SF3B3: variants seen among roughly 807,000 people sequenced by gnomAD.
SF3B3 encodes SAP 130.
A neutral mutation model predicts 139.2 loss-of-function variants in SF3B3; 33 were observed. The ratio of observed to expected loss-of-function variants is 0.24; its 90% CI spans 0.18 to 0.32. SF3B3 has a LOEUF of 0.32. Ranked by LOEUF, SF3B3 falls within the 10% of genes least tolerant of loss-of-function variation. SF3B3 has a pLI of 1.00. For missense variants in SF3B3, 818 were observed against 1,509.4 expected, an observed-to-expected ratio of 0.54 and a Z score of 7.59; for synonymous variants, 596 against 563.6, an observed-to-expected ratio of 1.06 and a Z score of -0.81.
intron 11 of SF3B3, among the ~76,000 whole-genome samples, chr16:70,551,591 A>G (rs915740587): frequency 6.6e-6 from 1 of 152,182 alleles, no homozygotes; most frequent in African/African-American, 2.4e-5. Flanking sequence ...AATCCTAGCT[A>G]CTAGAGAGGC....
At chr16:70,560,636 G>C in intron 16 of SF3B3, 45 bp downstream of exon 16, 1 of 1,603,134 alleles carries the variant, frequency 6.2e-7, no homozygotes, top group South Asian at 1.1e-5. Flanking sequence ...TGGGATTTTA[G>C]TGGCACCATC....
chr16:70,544,826 T>C lies in SF3B3; in HGVS notation c.1329+293T>C, dbSNP rs1310194362. ...CTGCCTCAGCCTCCCAAAGTGTTGC[T>C]TACAGGTGTAAGCCACTGTGCCCAG... is the stretch of plus-strand genomic sequence containing the variant. On this transcript the variant is annotated intron_variant, in intron 10 of 25. Coordinates refer to ENST00000302516, the MANE Select transcript of SF3B3 (RefSeq NM_012426.5). Among the ~76,000 whole-genome samples, 2 of 151,854 alleles carry C rather than the reference T, an allele frequency of 1.3e-5. 1 individual carries two copies. Among genetic ancestry groups the C allele is most frequent in the Non-Finnish European group, 2.9e-5 (2 of 67,946 alleles).
chr16:70,568,710 A>G (rs2050500466), intron 22 of SF3B3, among the ~76,000 whole-genome samples: 1 of 152,092 alleles, frequency 6.6e-6, no homozygotes, highest in South Asian at 2.1e-4. Flanking sequence ...TCCCTATTGA[A>G]CGTGATTTAA....
chr16:70,557,008 A>G lies in SF3B3; in HGVS notation c.1989A>G (p.Leu663=), dbSNP rs376825228. 5.0e-6 allele frequency: 8 copies of G among 1,611,954 alleles called. No individual in the cohort carries two copies. The highest frequency in any genetic ancestry group is 6.8e-6 in the Non-Finnish European group (8 of 1,179,304). The change falls in exon 15 of 26, where the codon CTA becomes CTG. Residue 663 remains leucine, a synonymous_variant. Coordinates refer to ENST00000302516, the MANE Select transcript of SF3B3 (RefSeq NM_012426.5). ...GTGAGAGGGGCTCGATTGGCTTCCTATACCTGAATATTGGGCTACAGGTAA... is the reference window on the plus strand; with the variant it reads ...GTGAGAGGGGCTCGATTGGCTTCCTGTACCTGAATATTGGGCTACAGGTAA... The part of the protein sequence containing the change: ...ELGERGSIGF[L]YLNIGLQNGV...
chr16:70,572,234 GTA>G lies in SF3B3; in HGVS notation c.*423_*424del. Reference sequence around the variant, plus strand: ...CTGTGGTGGGACTGGGTAGGGTATAGTATCACTCCTGAGTTCCACTGCTCTAG... The same window carrying G: ...CTGTGGTGGGACTGGGTAGGGTATAGTCACTCCTGAGTTCCACTGCTCTAG... On this transcript the variant is annotated 3_prime_UTR_variant, in exon 26 of 26. Coordinates refer to ENST00000302516, the MANE Select transcript of SF3B3 (RefSeq NM_012426.5). 2.4e-6 allele frequency: 1 copy of G among 415,820 alleles called. No homozygotes were observed. Among genetic ancestry groups the G allele is most frequent in the Non-Finnish European group, 4.8e-6 (1 of 209,636 alleles). The allele number at this position is 415,820 out of a possible 1,614,324, so 25.8% of individuals were successfully genotyped here.
In SF3B3 at chr16:70,527,647, G is replaced by A. The variant is rs181710015; in HGVS notation, c.70+921G>A. ...TTTGATTAAGGAAATACGTATATGG[G>A]AATTTGGAGATTTGTGACTGACTTC... On this transcript the variant is annotated intron_variant, in intron 2 of 25. Coordinates refer to ENST00000302516, the MANE Select transcript of SF3B3 (RefSeq NM_012426.5). 1.5e-3 allele frequency among the ~76,000 whole-genome samples: 223 copies of A among 152,324 alleles called. 1 individual carries two copies. The highest frequency in any genetic ancestry group is 2.5e-3 in the Non-Finnish European group (172 of 68,020).
chr16:70,564,597 G>C (rs960090770), intron 18 of SF3B3, among the ~76,000 whole-genome samples: 3 of 152,000 alleles, frequency 2.0e-5, no homozygotes, highest in African/African-American at 7.3e-5. Context: ...CCTTTATTTG[G>C]GCCCAAAAGA....
intron 15 of SF3B3, 117 bp from the exon 16 acceptor site, chr16:70,560,352 C>A: frequency 9.4e-7 from 1 of 1,060,550 alleles, no homozygotes; most frequent in Non-Finnish European, 1.3e-6. Context: ...TTTAAACACC[C>A]AAGTCATTTC....
intron 3 of SF3B3, 195 bp downstream of exon 3, chr16:70,529,394 CCTTT>C (rs1458957747): frequency 1.8e-6 from 1 of 568,130 alleles, no homozygotes; most frequent in South Asian, 2.4e-5. Context: ...TCTTAACACA[CCTTT>C]CTACTTCCCA....
At chr16:70,538,510 G>A in intron 7 of SF3B3, 50 bp downstream of exon 7, 5 of 1,473,500 alleles carry the variant, frequency 3.4e-6, no homozygotes, top group Non-Finnish European at 4.7e-6. Context: ...AGATGAGATA[G>A]GCAAGACAGG....
At chr16:70,561,562 G>T (rs2151791902) in intron 16 of SF3B3, 68 bp from the exon 17 acceptor site, 1 of 1,407,202 alleles carries the variant, frequency 7.1e-7, no homozygotes, top group Non-Finnish European at 9.8e-7. Context: ...AGGGCTTTTG[G>T]TCAGCTTATA....
At chr16:70,538,579 A>G (rs2050189728) in intron 7 of SF3B3, 119 bp downstream of exon 7, 1 of 804,822 alleles carries the variant, frequency 1.2e-6, no homozygotes, top group South Asian at 1.9e-5. Context: ...TGGAACCGGT[A>G]TATGAGTATA....
chr16:70,537,106 G>A (rs2050176238), intron 6 of SF3B3, among the ~76,000 whole-genome samples: 1 of 152,142 alleles, frequency 6.6e-6, no homozygotes, highest in African/African-American at 2.4e-5. Context: ...ACTGCGCCTG[G>A]CCAGCTAATT....
intron 20 of SF3B3, among the ~76,000 whole-genome samples, chr16:70,567,082 G>C (rs545426012): frequency 2.6e-5 from 4 of 151,012 alleles, no homozygotes; most frequent in Admixed American, 6.6e-5. Flanking sequence ...CTTTTCACTA[G>C]CATTTCTTTC....
intron 11 of SF3B3, chr16:70,550,671 C>T: frequency 3.0e-6 from 3 of 985,432 alleles, no homozygotes; most frequent in Non-Finnish European, 3.6e-6. Context: ...AGGTGCTGAT[C>T]ACCACAGGTG....
intron 21 of SF3B3, among the ~76,000 whole-genome samples, chr16:70,567,981 G>A (rs764331470): frequency 3.3e-5 from 5 of 152,104 alleles, no homozygotes; most frequent in East Asian, 1.9e-4. Context: ...CCACCGCACC[G>A]GCCCTTGAGT....
At chr16:70,542,501 C>T (rs776930295) in intron 9 of SF3B3, among the ~76,000 whole-genome samples, 1 of 152,124 alleles carries the variant, frequency 6.6e-6, no homozygotes, top group Non-Finnish European at 1.5e-5. Context: ...GCTGCATCCT[C>T]AATTGTCAGG....
Position 70,535,433 on chromosome 16 carries a change from A to G in SF3B3, c.825+13A>G, listed in dbSNP as rs1414617525. The G allele has an allele frequency of 2.1e-6, 3 of 1,411,504 alleles. No homozygotes were observed. The highest frequency in any genetic ancestry group is 4.6e-5 in the East Asian group (2 of 43,616). 87.4% of individuals were successfully genotyped at this position (1,411,504 alleles called of 1,614,324 possible). A position where few individuals can be genotyped will look rare whatever the true frequency, so the allele number is the denominator to read the frequency against. On this transcript the variant is annotated intron_variant, in intron 6 of 25. Transcript: ENST00000302516. ...TCCCAGGAGGCGGGTAAGATCTTTG[A>G]TATAAGAAGAGAGAGATTTGTGTTT...
intron 20 of SF3B3, 152 bp downstream of exon 20, chr16:70,565,676 C>T: frequency 1.5e-6 from 1 of 678,208 alleles, no homozygotes; most frequent in East Asian, 2.7e-5. Flanking sequence ...CTTCTAGCTG[C>T]AGTGATGTTC....
Sources: allele counts gnomAD v4.1 joint callset (sites outside exome capture counted in the v4.1 genomes callset), GRCh38; gene constraint gnomAD v4.1.1; transcripts MANE v1.5; gene names NCBI Gene and HGNC (gene_info 2026-07-23, HGNC 2026-07-21).